The following SLC17A3 variants were observed in gnomAD, a reference collection of about 807,000 sequenced individuals.
SLC17A3 encodes the protein sodium-dependent phosphate transport protein 4.
A neutral mutation model predicts 60.3 loss-of-function variants in SLC17A3; 61 were observed. The observed-to-expected ratio is 1.01, with a 90% CI of 0.82 to 1.25. The LOEUF (loss-of-function observed/expected upper bound fraction) is 1.25. Among genes scored for constraint, SLC17A3 ranks in the 50% most tolerant of loss-of-function variants. SLC17A3 has a pLI of 0.00. For synonymous variants in SLC17A3, 192 were observed against 208.9 expected (o/e 0.92, Z 0.70); for missense variants, 624 against 594.9 (o/e 1.05, Z -0.51).
At position 25,849,356 on chromosome 6, in the gene SLC17A3, AT is replaced by A. The variant is rs752773196; in HGVS notation, c.1362+17del. 4.8e-6 allele frequency: 7 copies of A among 1,459,276 alleles called. No individual in the cohort carries two copies. The highest frequency in any genetic ancestry group is 5.8e-6 in the Non-Finnish European group (6 of 1,040,244). The allele number at this position is 1,459,276 out of a possible 1,614,324, so 90.4% of individuals were successfully genotyped here. A position where few individuals can be genotyped will look rare whatever the true frequency, so the allele number is the denominator to read the frequency against. ...TAGCAGAGCATCTTTGGAGTCCTTCATGACAAAAAAATTGTACCTGACTAAG... is the reference window on the plus strand; with the variant it reads ...TAGCAGAGCATCTTTGGAGTCCTTCAGACAAAAAAATTGTACCTGACTAAG... On this transcript the variant is annotated intron_variant, in intron 11 of 12. Coordinates refer to ENST00000397060, the MANE Select transcript of SLC17A3 (RefSeq NM_001098486.2).
Position 25,849,407 on chromosome 6 carries a change from A to T in SLC17A3, c.1329T>A (p.Ile443=), listed in dbSNP as rs775191325. 6.2e-7 allele frequency: 1 copy of T among 1,612,682 alleles called. No individual in the cohort carries two copies. The highest frequency in any genetic ancestry group is 8.5e-7 in the Non-Finnish European group (1 of 1,178,810). Residue 443 remains isoleucine, a synonymous_variant, in exon 11 of 13, where the codon ATT becomes ATA. Coordinates refer to ENST00000397060, the MANE Select transcript of SLC17A3 (RefSeq NM_001098486.2). Reference sequence around the variant, plus strand: ...GAAGAAATCCACTGACAGTGGGTACAATGACAGGTGCTATGCTCGAAAATC... The same window carrying T: ...GAAGAAATCCACTGACAGTGGGTACTATGACAGGTGCTATGCTCGAAAATC... ...SRGFSSIAPV[I]VPTVSGFLLS... is the part of the protein sequence containing the mutation.
chr6:25,855,373 T>C, intron 5 of SLC17A3, 143 bp from the exon 6 acceptor site: 1 of 653,648 alleles, frequency 1.5e-6, no homozygotes, highest in South Asian at 1.7e-5. Context: ...TTCAAATTTA[T>C]GATTTAAGAA....
intron 2 of SLC17A3, among the ~76,000 whole-genome samples, chr6:25,865,349 A>G (rs1765517636): frequency 1.3e-5 from 2 of 152,038 alleles, no homozygotes; most frequent in South Asian, 2.1e-4. Context: ...TGGCTATGCT[A>G]TCTTCTATTG....
chr6:25,852,638 G>A (rs995810735), intron 6 of SLC17A3, among the ~76,000 whole-genome samples: 8 of 151,946 alleles, frequency 5.3e-5, no homozygotes, highest in Admixed American at 1.3e-4. Context: ...CTCAGATACT[G>A]TACTTTTCAT....
chr6:25,848,089 T>A (rs1238353355), intron 11 of SLC17A3, among the ~76,000 whole-genome samples: 1 of 152,220 alleles, frequency 6.6e-6, no homozygotes, highest in African/African-American at 2.4e-5. Flanking sequence ...TTCCTTTTTA[T>A]GGCTGAGTGG....
chr6:25,853,406 GTTTTTTTT>G (rs70977233), intron 6 of SLC17A3, among the ~76,000 whole-genome samples: 2 of 58,726 alleles, frequency 3.4e-5, no homozygotes, highest in Non-Finnish European at 6.1e-5. Flanking sequence ...ATTTCTGCAT[GTTTTTTTT>G]TTTTTTTTTT....
At position 25,861,653 on chromosome 6, in the gene SLC17A3, C is replaced by T. The variant is rs377515468; in HGVS notation, c.596G>A (p.Arg199Gln). Reference sequence around the variant, plus strand: ...TAAAGCAATGCTGCAGAGTCTGCTTCGTTCTTGTGGAGGGCCCCACTTTTC... The same window carrying T: ...TAAAGCAATGCTGCAGAGTCTGCTTTGTTCTTGTGGAGGGCCCCACTTTTC... The part of the protein sequence containing the change: ...IWEKWGPPQE[R>Q]SRLCSIALSG... Residue 199 changes from arginine (R) to glutamine (Q), a missense_variant, in exon 5 of 13, where the codon CGA becomes CAA. Arg to Gln is a conservative substitution (Grantham distance 43). Coordinates refer to ENST00000397060, the MANE Select transcript of SLC17A3 (RefSeq NM_001098486.2). 3.2e-5 allele frequency: 52 copies of T among 1,613,910 alleles called. No individual in the cohort carries two copies. Among genetic ancestry groups the T allele is most frequent in the South Asian group, 1.1e-4 (10 of 91,084 alleles).
intron 1 of SLC17A3, among the ~76,000 whole-genome samples, chr6:25,868,747 C>T (rs1173923767): frequency 6.6e-6 from 1 of 151,976 alleles, no homozygotes; most frequent in African/African-American, 2.4e-5. Context: ...TCAGTTTCCT[C>T]ATCTGTTGTT....
chr6:25,860,347 C>G (rs747807168), intron 5 of SLC17A3, among the ~76,000 whole-genome samples: 3 of 152,156 alleles, frequency 2.0e-5, no homozygotes, highest in African/African-American at 7.2e-5. Flanking sequence ...AGCCCTTCCA[C>G]TAAAGGCAGG....
intron 11 of SLC17A3, 113 bp downstream of exon 11, chr6:25,849,261 G>A: frequency 1.4e-6 from 1 of 716,328 alleles, no homozygotes; most frequent in Non-Finnish European, 2.5e-6. Flanking sequence ...TCATCTTAAT[G>A]ACAAATTACC....
In SLC17A3 at chr6:25,850,043, C is replaced by G; in HGVS notation, c.1123+5G>C. ...AATTATCTGACCCTCAAGCTCTGTT[C>G]TTACCTAAAATTGTGGCAATTTTCC... On this transcript the variant is annotated splice_donor_5th_base_variant and intron_variant, in intron 9 of 12. Transcript: ENST00000397060. 6.2e-7 allele frequency: 1 copy of G among 1,613,902 alleles called. No homozygotes were observed. The highest frequency in any genetic ancestry group is 8.5e-7 in the Non-Finnish European group (1 of 1,179,816).
chr6:25,854,883 T>G (rs1362042234), intron 6 of SLC17A3, among the ~76,000 whole-genome samples: 1 of 152,182 alleles, frequency 6.6e-6, no homozygotes, highest in Non-Finnish European at 1.5e-5. Flanking sequence ...TATCCCCTAC[T>G]GCCTTCAATG....
In SLC17A3 at chr6:25,844,871, T is replaced by C. The variant is rs1054500060; in HGVS notation, c.*430A>G. 6.0e-6 allele frequency: 1 copy of C among 166,786 alleles called. No homozygotes were observed. The highest frequency in any genetic ancestry group is 1.3e-5 in the Non-Finnish European group (1 of 76,450). The allele number at this position is 166,786 out of a possible 1,614,324, so 10.3% of individuals were successfully genotyped here. A position where few individuals can be genotyped will look rare whatever the true frequency, so the allele number is the denominator to read the frequency against. On this transcript the variant is annotated 3_prime_UTR_variant, in exon 13 of 13. Coordinates refer to ENST00000397060, the MANE Select transcript of SLC17A3 (RefSeq NM_001098486.2). ...TCTTGGAGCCTGAGCAGGATGGAGA[T>C]AAATGGAGGACATATAGGGAAGAAC...
intron 2 of SLC17A3, among the ~76,000 whole-genome samples, chr6:25,865,797 A>T (rs546701485): frequency 3.3e-5 from 5 of 151,970 alleles, no homozygotes; most frequent in African/African-American, 1.2e-4. Context: ...TGTCTGTTAA[A>T]TTTTTTTGTG....
At chr6:25,850,353 AT>A in intron 8 of SLC17A3, 105 bp downstream of exon 8, 1 of 1,383,050 alleles carries the variant, frequency 7.2e-7, no homozygotes, top group Non-Finnish European at 1.0e-6. Flanking sequence ...ATATTAGATT[AT>A]TTTTGGTAAT....
chr6:25,848,191 T>C (rs2328896), intron 11 of SLC17A3, among the ~76,000 whole-genome samples: 1 of 152,176 alleles, frequency 6.6e-6, no homozygotes, highest in Non-Finnish European at 1.5e-5. Context: ...CAATTGTGAA[T>C]TGTGCTGCCA....
intron 2 of SLC17A3, among the ~76,000 whole-genome samples, chr6:25,863,405 T>A (rs1030552660): frequency 6.6e-6 from 1 of 152,010 alleles, no homozygotes; most frequent in Non-Finnish European, 1.5e-5. Flanking sequence ...AAATATAAAA[T>A]GTATGAGCCA....
rs1346946187 is a variant in SLC17A3, at chr6:25,862,200, G to A, written c.303+33C>T. On this transcript the variant is annotated intron_variant, in intron 3 of 12. Coordinates refer to ENST00000397060, the MANE Select transcript of SLC17A3 (RefSeq NM_001098486.2). ...TATCCAAGCAAATAAACAGCAAAAA[G>A]AAAAGCACAAATTTATATCTTATGT... The A allele has an allele frequency of 2.5e-6, 4 of 1,581,484 alleles. No homozygotes were observed. The Admixed American group carries it at 5.0e-5, about 20-fold the overall frequency.
chr6:25,862,552 T>TTAAGTAATG, intron 2 of SLC17A3, 108 bp from the exon 3 acceptor site: 1 of 897,614 alleles, frequency 1.1e-6, no homozygotes, highest in Non-Finnish European at 1.8e-6. Context: ...TTTAAATCAT[T>TTAAGTAATG]ACTTAAATGA....
Sources: gnomAD v4.1 joint callset for allele counts (sites outside exome capture counted in the v4.1 genomes callset) on GRCh38, gnomAD v4.1.1 for gene constraint, MANE v1.5 for transcripts, NCBI Gene and HGNC (gene_info 2026-07-23, HGNC 2026-07-21) for gene names.